Variants in DICER1 observed in about 807,000 individuals in gnomAD.
The protein encoded by DICER1 is dicer 1, ribonuclease III.
In DICER1, 43 loss-of-function variants were observed where a neutral mutation model predicts 194.1. The ratio of observed to expected loss-of-function variants is 0.22; its 90% CI spans 0.17 to 0.29. The LOEUF (loss-of-function observed/expected upper bound fraction) is 0.29. DICER1 is among the 10% of genes least tolerant of loss of function. The pLI, the probability that DICER1 is intolerant of heterozygous loss-of-function variation, is 1.00. For missense variants in DICER1, 1,608 were observed against 2,317.0 expected, an observed-to-expected ratio of 0.69 and a Z score of 6.28; for synonymous variants, 832 against 820.5, an observed-to-expected ratio of 1.01 and a Z score of -0.24.
intron 1 of DICER1, among the ~76,000 whole-genome samples, chr14:95,154,885 CT>C (rs1895742403): frequency 6.7e-6 from 1 of 148,256 alleles, no homozygotes; most frequent in African/African-American, 2.6e-5. Context: ...AAAAAAACAA[CT>C]ATCTGAAATA....
Position 95,090,772 on chromosome 14 carries a change from A to G in DICER1, c.5604-109T>C, listed in dbSNP as rs567338896. The G allele has an allele frequency of 2.1e-5, 28 of 1,338,646 alleles. No homozygotes were observed. In the African/African-American group the frequency reaches 3.7e-4, roughly 18 times the overall value. 82.9% of individuals were successfully genotyped at this position (1,338,646 alleles called of 1,614,324 possible). ...CCAGGAGTCCCATGTATAAGCTGAC[A>G]CCACACAAAGGAAACACGCGTTACG... On this transcript the variant is annotated intron_variant, in intron 26 of 26. Transcript: ENST00000343455.
chr14:95,090,130 G>A lies in DICER1; in HGVS notation c.*368C>T, dbSNP rs758288467. On this transcript the variant is annotated 3_prime_UTR_variant, in exon 27 of 27. Coordinates refer to ENST00000343455, the MANE Select transcript of DICER1 (RefSeq NM_177438.3). ...ATCCTAGGGACTGCTGGAGGTTTAA[G>A]CTCCATGGCCTTCTAACACTAAGCA... 4.8e-5 allele frequency: 19 copies of A among 393,514 alleles called. No homozygotes were observed. Among genetic ancestry groups the A allele is most frequent in the Non-Finnish European group, 7.5e-5 (16 of 213,856 alleles). The allele number at this position is 393,514 out of a possible 1,614,324, so 24.4% of individuals were successfully genotyped here. A position where few individuals can be genotyped will look rare whatever the true frequency, so the allele number is the denominator to read the frequency against.
At chr14:95,102,141 AGAG>A (rs1217461154) in intron 21 of DICER1, among the ~76,000 whole-genome samples, 3 of 152,216 alleles carry the variant, frequency 2.0e-5, no homozygotes, top group East Asian at 1.9e-4. Flanking sequence ...GTTATCTTTT[AGAG>A]TAGTGCAGAG....
At chr14:95,143,200 A>G (rs887386054) in intron 1 of DICER1, among the ~76,000 whole-genome samples, 5 of 152,228 alleles carry the variant, frequency 3.3e-5, no homozygotes, top group East Asian at 1.9e-4. Context: ...TCCTAGTAAC[A>G]AAAGTGCTAT....
intron 8 of DICER1, among the ~76,000 whole-genome samples, chr14:95,122,590 G>A (rs760374758): frequency 2.6e-5 from 4 of 152,160 alleles, no homozygotes; most frequent in Non-Finnish European, 4.4e-5. Flanking sequence ...CTAGGAGTCA[G>A]GATATTAGGA....
At chr14:95,101,312 T>G (rs150412141) in intron 21 of DICER1, among the ~76,000 whole-genome samples, 1 of 152,110 alleles carries the variant, frequency 6.6e-6, no homozygotes, top group Non-Finnish European at 1.5e-5. Context: ...TCTGCAGAAA[T>G]AAGGAGTAGA....
Position 95,124,159 on chromosome 14 carries a change from C to T in DICER1, c.1376+37G>A. 6.7e-7 allele frequency: 1 copy of T among 1,494,958 alleles called. No homozygotes were observed. The highest frequency in any genetic ancestry group is 9.3e-7 in the Non-Finnish European group (1 of 1,075,174). The allele number at this position is 1,494,958 out of a possible 1,614,324, so 92.6% of individuals were successfully genotyped here. On this transcript the variant is annotated intron_variant, in intron 8 of 26. Transcript: ENST00000343455. The surrounding 1 kb of genome is among the most constrained non-coding windows in gnomAD (Gnocchi z 4.5). ...TCACATCACAACACAGGACGCCTCC[C>T]TGTTCTCATGTGAAAGGAGTCAACT...
chr14:95,108,205 C>A (rs1194393060), intron 15 of DICER1, 112 bp from the exon 16 acceptor site: 2 of 1,304,824 alleles, frequency 1.5e-6, no homozygotes, highest in Admixed American at 3.4e-5. Flanking sequence ...GAAGAGGCAC[C>A]TCGATCTTTA....
At chr14:95,091,827 G>C (rs1271536660) in intron 24 of DICER1, among the ~76,000 whole-genome samples, 1 of 152,128 alleles carries the variant, frequency 6.6e-6, no homozygotes, top group Admixed American at 6.5e-5. Context: ...CGCTGTTGTA[G>C]GGAAATAGGG....
At chr14:95,110,520 GAT>G (rs1566780908) in intron 14 of DICER1, among the ~76,000 whole-genome samples, 1 of 152,108 alleles carries the variant, frequency 6.6e-6, no homozygotes, top group Non-Finnish European at 1.5e-5. Flanking sequence ...GGCTGGGAAC[GAT>G]TTTTTTTTTC....
chr14:95,112,974 T>A (rs1892107222), intron 12 of DICER1, 118 bp downstream of exon 12: 1 of 1,094,306 alleles, frequency 9.1e-7, no homozygotes, highest in East Asian at 2.4e-5. Context: ...AGGCTCCTGC[T>A]CATGAAAGTA....
intron 1 of DICER1, among the ~76,000 whole-genome samples, chr14:95,142,447 G>A (rs1253782645): frequency 3.9e-5 from 6 of 152,098 alleles, no homozygotes; most frequent in African/African-American, 1.4e-4. Flanking sequence ...ATGTCCTGCT[G>A]TGTCACCCTC....
chr14:95,099,455 T>C (rs532131358), intron 22 of DICER1, among the ~76,000 whole-genome samples: 2 of 152,032 alleles, frequency 1.3e-5, no homozygotes, highest in South Asian at 2.1e-4. Context: ...CTAGGATAAA[T>C]TGTAATAACA....
chr14:95,115,607 G>A, intron 11 of DICER1, 60 bp downstream of exon 11: 2 of 1,568,044 alleles, frequency 1.3e-6, no homozygotes, highest in South Asian at 1.1e-5. Context: ...AAATGTACAG[G>A]TTTAGACTTA....
At chr14:95,095,747 CT>C (rs765220804) in intron 23 of DICER1, 77 bp downstream of exon 23, 1 of 1,510,620 alleles carries the variant, frequency 6.6e-7, no homozygotes. Flanking sequence ...GCATAGATCA[CT>C]TTTACAAGGC....
Position 95,086,431 on chromosome 14 carries a change from G to C in DICER1, c.*4067C>G. ...ATTGTCAATCAAATAATATGCATTA[G>C]TTTTACTTGATTTTAGTAATTTTCC... On this transcript the variant is annotated 3_prime_UTR_variant, in exon 27 of 27. Coordinates refer to ENST00000343455, the MANE Select transcript of DICER1 (RefSeq NM_177438.3). 1 of 233,328 alleles carries C rather than the reference G, an allele frequency of 4.3e-6. No individual in the cohort carries two copies. The highest frequency in any genetic ancestry group is 8.5e-6 in the Non-Finnish European group (1 of 117,884). The allele number at this position is 233,328 out of a possible 1,614,324, so 14.5% of individuals were successfully genotyped here. A position where few individuals can be genotyped will look rare whatever the true frequency, so the allele number is the denominator to read the frequency against.
intron 14 of DICER1, among the ~76,000 whole-genome samples, chr14:95,108,818 T>C (rs1441759082): frequency 1.3e-5 from 2 of 152,204 alleles, no homozygotes; most frequent in Non-Finnish European, 2.9e-5. Flanking sequence ...ATTTGATCTA[T>C]TTCTTCTGAC....
rs2140259316 is a variant in DICER1 at position 95,129,461 on chromosome 14, G to C, written c.734+11C>G. The C allele has an allele frequency of 6.2e-7, 1 of 1,613,030 alleles. No individual in the cohort carries two copies. Among genetic ancestry groups the C allele is most frequent in the East Asian group, 2.2e-5 (1 of 44,840 alleles). On this transcript the variant is annotated intron_variant, in intron 6 of 26. Transcript: ENST00000343455. ...AATCTCATTAAAGCTGAGTCAATCA[G>C]AAGTGCATACCTGTCTAAGACCACC...
intron 13 of DICER1, 88 bp from the exon 14 acceptor site, chr14:95,111,544 C>G (rs2140069946): frequency 7.1e-7 from 1 of 1,415,306 alleles, no homozygotes; most frequent in South Asian, 1.2e-5. Flanking sequence ...GTTAGAAGGA[C>G]CTGGAAAAGT....
Sources: allele counts gnomAD v4.1 joint callset (sites outside exome capture counted in the v4.1 genomes callset), GRCh38; gene constraint gnomAD v4.1.1; non-coding constraint Gnocchi (gnomAD v3.1); transcripts MANE v1.5; gene names NCBI Gene and HGNC (gene_info 2026-07-23, HGNC 2026-07-21).